Variants in COLEC10 observed in about 807,000 individuals in gnomAD.
COLEC10 encodes the protein collectin-10.
COLEC10 carries 22 observed loss-of-function variants against 28.4 expected under a neutral mutation model. The observed-to-expected ratio is 0.78, with a 90% confidence interval of 0.55 to 1.11. The LOEUF (loss-of-function observed/expected upper bound fraction) is 1.11. COLEC10 is among the 50% of genes least tolerant of loss of function. COLEC10 has a pLI of 0.00. For missense variants in COLEC10, 361 were observed against 344.1 expected (o/e 1.05, Z -0.39); for synonymous variants, 125 against 116.1 (o/e 1.08, Z -0.49).
intron 2 of COLEC10, among the ~76,000 whole-genome samples, chr8:119,036,640 G>A (rs1234503182): frequency 6.6e-6 from 1 of 152,142 alleles, no homozygotes; most frequent in African/African-American, 2.4e-5. Flanking sequence ...GTAAATTAAG[G>A]ATAGAAACTT....
At chr8:119,045,848 T>C (rs1587016807) in intron 2 of COLEC10, among the ~76,000 whole-genome samples, 1 of 152,246 alleles carries the variant, frequency 6.6e-6, no homozygotes, top group African/African-American at 2.4e-5. Context: ...CAGACAGTTA[T>C]GGTTTAGTGA....
the COLEC10 span, among the ~76,000 whole-genome samples, chr8:118,955,165 C>T: frequency 6.6e-6 from 1 of 152,100 alleles, no homozygotes; most frequent in South Asian, 2.1e-4. Context: ...CAGCAGATAG[C>T]CCATTGACTT....
At chr8:119,042,093 G>A (rs1307931117) in intron 2 of COLEC10, among the ~76,000 whole-genome samples, 1 of 151,856 alleles carries the variant, frequency 6.6e-6, no homozygotes, top group East Asian at 1.9e-4. Context: ...TGCCTCTCAG[G>A]TTCAAGCAAT....
At chr8:119,079,117 T>A (rs897127029) in intron 1 of COLEC10, among the ~76,000 whole-genome samples, 1 of 152,082 alleles carries the variant, frequency 6.6e-6, no homozygotes, top group African/African-American at 2.4e-5. Flanking sequence ...GTCCTCTTCC[T>A]TGTACCTCTT....
intron 1 of COLEC10, among the ~76,000 whole-genome samples, chr8:119,002,623 A>G (rs967832805): frequency 2.0e-5 from 3 of 152,138 alleles, no homozygotes; most frequent in Admixed American, 6.6e-5. Flanking sequence ...ATGGCATTTC[A>G]TTTACAATAC....
chr8:119,030,594 T>A (rs1352755005), intron 2 of COLEC10, among the ~76,000 whole-genome samples: 1 of 152,208 alleles, frequency 6.6e-6, no homozygotes, highest in African/African-American at 2.4e-5. Flanking sequence ...AGGTTGCCTA[T>A]CCTCCACATG....
At chr8:119,005,984 C>G (rs1160670660) in intron 1 of COLEC10, among the ~76,000 whole-genome samples, 1 of 152,088 alleles carries the variant, frequency 6.6e-6, no homozygotes, top group South Asian at 2.1e-4. Context: ...AGGAATATCC[C>G]TCACTGGGTC....
chr8:119,015,150 C>A (rs1197619899), intron 2 of COLEC10, among the ~76,000 whole-genome samples: 1 of 150,706 alleles, frequency 6.6e-6, no homozygotes, highest in Non-Finnish European at 1.5e-5. Context: ...GATTGCAGGG[C>A]ATGATGTATT....
At chr8:119,070,943 C>T (rs952963935) in intron 1 of COLEC10, among the ~76,000 whole-genome samples, 4 of 152,100 alleles carry the variant, frequency 2.6e-5, no homozygotes, top group Non-Finnish European at 5.9e-5. Context: ...ACAATTCCAG[C>T]GGGGCCAAGG....
chr8:119,016,526 C>A (rs1010454478), intron 2 of COLEC10, among the ~76,000 whole-genome samples: 4 of 151,900 alleles, frequency 2.6e-5, no homozygotes, highest in African/African-American at 9.7e-5. Context: ...ATTTATAATC[C>A]TTTGAGTATA....
intron 2 of COLEC10, among the ~76,000 whole-genome samples, chr8:119,036,807 G>C (rs889786354): frequency 6.6e-6 from 1 of 152,132 alleles, no homozygotes; most frequent in African/African-American, 2.4e-5. Flanking sequence ...GAATAACCTG[G>C]AGCTAGAAAA....
chr8:119,039,250 A>C (rs1814450084), intron 2 of COLEC10, among the ~76,000 whole-genome samples: 2 of 152,028 alleles, frequency 1.3e-5, no homozygotes, highest in Non-Finnish European at 2.9e-5. Flanking sequence ...CCCAGGGTTG[A>C]TTCACTACTT....
intron 2 of COLEC10, among the ~76,000 whole-genome samples, chr8:119,018,187 C>T (rs188978236): frequency 1.3e-5 from 2 of 152,272 alleles, no homozygotes; most frequent in African/African-American, 4.8e-5. Flanking sequence ...AGTGGGAGAC[C>T]TTTACTAAAA....
At chr8:119,102,467 A>C in intron 4 of COLEC10, 66 bp downstream of exon 4, 1 of 1,289,656 alleles carries the variant, frequency 7.8e-7, no homozygotes, top group Non-Finnish European at 1.1e-6. Flanking sequence ...CTCAAAAATA[A>C]ATATATTTCA....
chr8:119,102,957 CTT>C (rs1369702318), intron 4 of COLEC10, among the ~76,000 whole-genome samples: 1 of 152,080 alleles, frequency 6.6e-6, no homozygotes, highest in African/African-American at 2.4e-5. Context: ...ATTCTAAGAA[CTT>C]TTTGACATTC....
chr8:119,075,126 C>T (rs1815201952), intron 1 of COLEC10, among the ~76,000 whole-genome samples: 1 of 152,206 alleles, frequency 6.6e-6, no homozygotes, highest in African/African-American at 2.4e-5. Context: ...CTATGCCATA[C>T]AGGCAGGCTA....
chr8:118,990,979 AC>A (rs772367818), upstream of COLEC10, among the ~76,000 whole-genome samples: 20 of 137,758 alleles, frequency 1.5e-4, no homozygotes, highest in African/African-American at 4.9e-4. Flanking sequence ...GAAAAAAAAA[AC>A]AAAACACCAT....
At position 119,089,678 on chromosome 8, in the gene COLEC10, AG is replaced by A. The variant is rs1815549700; in HGVS notation, c.149del. Reference sequence around the variant, plus strand: ...ACTCTATCTCATTTTCTGTTTCAAAAGGAGATGATGGTGAAAAAGGAGATCC... The same window carrying A: ...ACTCTATCTCATTTTCTGTTTCAAAAGAGATGATGGTGAAAAAGGAGATCC... On this transcript the variant is annotated splice_acceptor_variant, in intron 1 of 5. Transcript: ENST00000332843. LOFTEE classifies it high-confidence loss of function. The A allele has an allele frequency of 1.2e-6, 2 of 1,612,200 alleles. No homozygotes were observed. Among genetic ancestry groups the A allele is most frequent in the African/African-American group, 2.7e-5 (2 of 74,880 alleles).
chr8:119,100,134 A>G (rs1230193971), intron 3 of COLEC10, among the ~76,000 whole-genome samples: 1 of 152,160 alleles, frequency 6.6e-6, no homozygotes, highest in Non-Finnish European at 1.5e-5. Context: ...GCAAATTTTG[A>G]TAACATTTTT....
Sources: allele counts gnomAD v4.1 joint callset (sites outside exome capture counted in the v4.1 genomes callset), GRCh38; gene constraint gnomAD v4.1.1; transcripts MANE v1.5; gene names NCBI Gene and HGNC (gene_info 2026-07-23, HGNC 2026-07-21).